The following KCNT2 variants were observed in gnomAD, a reference collection of about 807,000 sequenced individuals.
KCNT2 encodes potassium sodium-activated channel subfamily T member 2, also known as potassium channel subfamily T member 2.
Under a neutral mutation model 153.8 loss-of-function variants are expected in KCNT2, and 67 were observed. The observed-to-expected ratio is 0.44, with a 90% CI of 0.36 to 0.53. The LOEUF (loss-of-function observed/expected upper bound fraction) is 0.53. KCNT2 is among the 20% of genes least tolerant of loss of function. The pLI, the probability that KCNT2 is intolerant of heterozygous loss-of-function variation, is 0.00. For synonymous variants in KCNT2, 500 were observed against 458.8 expected (o/e 1.09, Z -1.15); for missense variants, 975 against 1,354.8 (o/e 0.72, Z 4.40).
At chr1:196,576,110 A>G (rs12121401) in intron 1 of KCNT2, among the ~76,000 whole-genome samples, 7,770 of 150,712 alleles carry the variant, frequency 0.052, 675 homozygotes, top group African/African-American at 0.18. Context: ...GTGTGTGTGT[A>G]TATATATATC....
intron 1 of KCNT2, among the ~76,000 whole-genome samples, chr1:196,583,515 G>T (rs1367810615): frequency 6.6e-6 from 1 of 151,924 alleles, no homozygotes; most frequent in Non-Finnish European, 1.5e-5. Flanking sequence ...ATTTATTGAA[G>T]TTTAAACAAA....
At chr1:196,374,764 C>T (rs1341027337) in intron 13 of KCNT2, among the ~76,000 whole-genome samples, 1 of 151,708 alleles carries the variant, frequency 6.6e-6, no homozygotes, top group Non-Finnish European at 1.5e-5. Context: ...AGTGACAAAA[C>T]TGCTAAACCC....
rs1656619335 is a variant in KCNT2 at position 196,257,516 on chromosome 1, A to G, written c.3211+678T>C. On this transcript the variant is annotated intron_variant, in intron 26 of 27. Coordinates refer to ENST00000294725, the MANE Select transcript of KCNT2 (RefSeq NM_198503.5). ...TTGTTTATCATTTGGTTTTCCTTTGACTGGACTAAATATCTTTTTAAAGTA... is the reference window on the plus strand; with the variant it reads ...TTGTTTATCATTTGGTTTTCCTTTGGCTGGACTAAATATCTTTTTAAAGTA... 6 of 963,162 alleles carry G rather than the reference A, an allele frequency of 6.2e-6. No individual in the cohort carries two copies. The African/African-American group carries it at 1.1e-4, about 17-fold the overall frequency. 59.7% of individuals were successfully genotyped at this position (963,162 alleles called of 1,614,324 possible).
At chr1:196,502,738 C>A (rs1397205951) in intron 1 of KCNT2, among the ~76,000 whole-genome samples, 3 of 152,054 alleles carry the variant, frequency 2.0e-5, no homozygotes, top group Non-Finnish European at 4.4e-5. Context: ...AAAAGTATTT[C>A]TTTTCAGTTA....
At chr1:196,425,527 T>A (rs1367597345) in intron 11 of KCNT2, among the ~76,000 whole-genome samples, 3 of 152,004 alleles carry the variant, frequency 2.0e-5, no homozygotes, top group Admixed American at 6.6e-5. Flanking sequence ...TGGAGACTAC[T>A]CTAACAGTGA....
chr1:196,564,608 G>T (rs1048022574), intron 1 of KCNT2, among the ~76,000 whole-genome samples: 5 of 151,816 alleles, frequency 3.3e-5, no homozygotes, highest in African/African-American at 1.2e-4. Flanking sequence ...ATACCACAAA[G>T]CTATAGTAAT....
At chr1:196,481,278 T>C (rs568099636) in intron 4 of KCNT2, among the ~76,000 whole-genome samples, 2 of 152,018 alleles carry the variant, frequency 1.3e-5, no homozygotes, top group South Asian at 2.1e-4. Flanking sequence ...GTGGAATGAG[T>C]GTAGAATGAA....
chr1:196,240,937 C>T (rs1340629444), intron 26 of KCNT2, among the ~76,000 whole-genome samples: 1 of 151,590 alleles, frequency 6.6e-6, no homozygotes, highest in African/African-American at 2.4e-5. Flanking sequence ...CATTGTGAAA[C>T]AGAAACCCAT....
chr1:196,469,970 G>A (rs948904047), intron 5 of KCNT2, among the ~76,000 whole-genome samples: 1 of 152,032 alleles, frequency 6.6e-6, no homozygotes, highest in Non-Finnish European at 1.5e-5. Context: ...TTTTCCTTAA[G>A]GCCCCAAAGG....
At chr1:196,526,012 ACT>A (rs1238137774) in intron 1 of KCNT2, among the ~76,000 whole-genome samples, 12 of 108,934 alleles carry the variant, frequency 1.1e-4, no homozygotes, top group Non-Finnish European at 2.2e-4. Context: ...ATGAGAACTG[ACT>A]CTGTGTGTGT....
rs537673638 is a variant in KCNT2, at chr1:196,414,212, A to T, written c.1185+8838T>A. On this transcript the variant is annotated intron_variant, in intron 12 of 27. Coordinates refer to ENST00000294725, the MANE Select transcript of KCNT2 (RefSeq NM_198503.5). ...AAAAATATATTTTCACACGTAACAG[A>T]TTATTCTAATTCAAAATACTATAAA... Among the ~76,000 whole-genome samples, 4 of 151,836 alleles carry T rather than the reference A, an allele frequency of 2.6e-5. No individual in the cohort carries two copies. In the East Asian group the frequency reaches 7.8e-4, roughly 30 times the overall value.
At chr1:196,460,826 G>A (rs1404670498) in intron 8 of KCNT2, among the ~76,000 whole-genome samples, 1 of 151,506 alleles carries the variant, frequency 6.6e-6, no homozygotes, top group Admixed American at 6.6e-5. Context: ...ATTATATTTT[G>A]CATTTTGTAT....
chr1:196,280,169 G>C (rs1658962464), intron 25 of KCNT2, among the ~76,000 whole-genome samples: 1 of 152,114 alleles, frequency 6.6e-6, no homozygotes, highest in Non-Finnish European at 1.5e-5. Flanking sequence ...AAAAGAGTCT[G>C]ACCTAAAAGG....
In KCNT2 at chr1:196,339,520, C is replaced by CAGAGAGAGAGAGAG. The variant is rs5779831; in HGVS notation, c.1783+807_1783+820dup. 1.8e-3 allele frequency among the ~76,000 whole-genome samples: 247 copies of CAGAGAGAGAGAGAG among 138,000 alleles called. 1 individual carries two copies. Among genetic ancestry groups the CAGAGAGAGAGAGAG allele is most frequent in the African/African-American group, 6.8e-3 (239 of 34,978 alleles). 90.5% of individuals were successfully genotyped at this position (138,000 alleles called of 152,430 possible). ...AGATATGAAGAGACACACACACACA[C>CAGAGAGAGAGAGAG]AGAGAGAGAGAGAGAGAGAGAGAGA... On this transcript the variant is annotated intron_variant, in intron 16 of 27. Transcript: ENST00000294725.
intron 8 of KCNT2, among the ~76,000 whole-genome samples, chr1:196,453,774 G>A (rs1047632067): frequency 2.6e-5 from 4 of 151,590 alleles, no homozygotes; most frequent in African/African-American, 7.3e-5. Flanking sequence ...AGTTTTTATC[G>A]GTACTCAACA....
At chr1:196,538,107 A>G (rs1417155804) in intron 1 of KCNT2, among the ~76,000 whole-genome samples, 1 of 151,516 alleles carries the variant, frequency 6.6e-6, no homozygotes, top group Non-Finnish European at 1.5e-5. Context: ...TACTTCTCCT[A>G]GTGCAGTTAA....
At chr1:196,472,779 G>T (rs1172060566) in intron 5 of KCNT2, among the ~76,000 whole-genome samples, 3 of 151,982 alleles carry the variant, frequency 2.0e-5, no homozygotes, top group Non-Finnish European at 4.4e-5. Flanking sequence ...TTTGTAAATA[G>T]ATCTTGAGAT....
At chr1:196,421,661 A>C (rs759811676) in intron 12 of KCNT2, among the ~76,000 whole-genome samples, 1 of 152,076 alleles carries the variant, frequency 6.6e-6, no homozygotes, top group Non-Finnish European at 1.5e-5. Flanking sequence ...AATATTTTAA[A>C]AGTTTTCCAA....
chr1:196,354,654 T>A (rs1667025422), intron 14 of KCNT2, among the ~76,000 whole-genome samples: 1 of 151,758 alleles, frequency 6.6e-6, no homozygotes, highest in South Asian at 2.1e-4. Context: ...TTATTGATAT[T>A]CTATTTTGAA....
Sources: allele counts gnomAD v4.1 joint callset (sites outside exome capture counted in the v4.1 genomes callset), GRCh38; gene constraint gnomAD v4.1.1; transcripts MANE v1.5; gene names NCBI Gene and HGNC (gene_info 2026-07-23, HGNC 2026-07-21).